ZNF695: variants seen among roughly 807,000 people sequenced by gnomAD.
ZNF695 encodes the protein zinc finger protein SBZF3.
ZNF695 carries 11 observed loss-of-function variants against 11.2 expected under a neutral mutation model. The ratio of observed to expected loss-of-function variants is 0.98; its 90% CI spans 0.62 to 1.62. The LOEUF is 1.62. Among genes scored for constraint, ZNF695 ranks in the 40% most tolerant of loss-of-function variants. The pLI, the probability that ZNF695 is intolerant of heterozygous loss-of-function variation, is 0.00. For synonymous variants in ZNF695, 190 were observed against 201.4 expected (o/e 0.94, Z 0.48); for missense variants, 559 against 590.5 (o/e 0.95, Z 0.55).
At chr1:246,955,468 T>C (rs918171088) in intron 5 of ZNF695, among the ~76,000 whole-genome samples, 3 of 152,206 alleles carry the variant, frequency 2.0e-5, no homozygotes, top group East Asian at 1.9e-4. Flanking sequence ...AAAATGTGTA[T>C]AAGTAATTTT....
chr1:246,959,295 A>AT (rs1227890663), intron 5 of ZNF695, among the ~76,000 whole-genome samples: 9 of 62,664 alleles, frequency 1.4e-4, no homozygotes, highest in Non-Finnish European at 2.3e-4. Context: ...AAAAAAAAAA[A>AT]AAAAAAAAAA....
In ZNF695 at chr1:246,988,219, T is replaced by C; in HGVS notation, c.296A>G (p.Glu99Gly). Residue 99 changes from glutamate (E) to glycine (G), a missense_variant, in exon 4 of 4, where the codon GAG becomes GGG. Physicochemically the swap from Glu to Gly is moderately conservative, Grantham distance 98 (BLOSUM62 -2). Coordinates refer to ENST00000339986, the MANE Select transcript of ZNF695 (RefSeq NM_020394.5). ...SSYLTEDILPEQGLQVSFQKV... is the reference protein window; with the variant it reads ...SSYLTEDILPGQGLQVSFQKV... ...TTGGAATGAAACTTGCAGGCCCTGC[T>C]CTGGCAAAATGTCTTCAGTAAGATA... is the stretch of plus-strand genomic sequence containing the variant. 6.3e-7 allele frequency: 1 copy of C among 1,586,628 alleles called. No homozygotes were observed. The highest frequency in any genetic ancestry group is 8.5e-7 in the Non-Finnish European group (1 of 1,170,150).
At chr1:246,994,683 A>G (rs1669142146) in intron 3 of ZNF695, among the ~76,000 whole-genome samples, 1 of 145,480 alleles carries the variant, frequency 6.9e-6, no homozygotes, top group Non-Finnish European at 1.5e-5. Context: ...TAAAATTACA[A>G]AAAATTAGCT....
chr1:246,966,748 GC>G, intron 5 of ZNF695: 6 of 456,156 alleles, frequency 1.3e-5, no homozygotes, highest in South Asian at 9.3e-5. Flanking sequence ...TCACATCACT[GC>G]ACTCTAGCCT....
intron 1 of ZNF695, among the ~76,000 whole-genome samples, chr1:247,001,924 A>T (rs570644612): frequency 1.3e-5 from 2 of 152,298 alleles, no homozygotes; most frequent in African/African-American, 4.8e-5. Context: ...CACTGACAGT[A>T]TTAGATCATC....
intron 4 of ZNF695, chr1:246,968,163 C>G (rs1668335340): frequency 6.6e-6 from 1 of 152,298 alleles, no homozygotes; most frequent in African/African-American, 2.4e-5. Context: ...CCTGTAAAAT[C>G]AAAAGCAAGT....
intron 5 of ZNF695, among the ~76,000 whole-genome samples, chr1:246,964,034 T>A (rs1345174597): frequency 6.6e-6 from 1 of 152,142 alleles, no homozygotes; most frequent in Non-Finnish European, 1.5e-5. Context: ...AGGAAGGATA[T>A]TACAAAGGAT....
chr1:246,953,897 G>C (rs938656057), intron 5 of ZNF695, among the ~76,000 whole-genome samples: 1 of 150,000 alleles, frequency 6.7e-6, no homozygotes, highest in African/African-American at 2.5e-5. Flanking sequence ...CTGCACTCCA[G>C]CCTGGGCGAC....
chr1:246,989,204 G>A (rs1369489469), intron 3 of ZNF695, among the ~76,000 whole-genome samples: 1 of 152,150 alleles, frequency 6.6e-6, no homozygotes, highest in Non-Finnish European at 1.5e-5. Context: ...GGTGGAGGTT[G>A]TGGTGAGCCA....
chr1:247,007,295 A>G (rs1487701327), intron 1 of ZNF695, among the ~76,000 whole-genome samples: 3 of 151,768 alleles, frequency 2.0e-5, no homozygotes, highest in Non-Finnish European at 4.4e-5. Flanking sequence ...CACGAGGTCA[A>G]GAGATCGACA....
At chr1:246,976,772 C>A (rs557895404) in intron 4 of ZNF695, among the ~76,000 whole-genome samples, 2 of 151,754 alleles carry the variant, frequency 1.3e-5, no homozygotes, top group Admixed American at 1.3e-4. Context: ...CCAGCCTGGG[C>A]GACAGAGCGA....
chr1:246,951,567 C>A (rs1572502323), intron 5 of ZNF695, among the ~76,000 whole-genome samples: 1 of 152,204 alleles, frequency 6.6e-6, no homozygotes, highest in East Asian at 1.9e-4. Flanking sequence ...TTTGAAGGCA[C>A]ACCATTTGTG....
At chr1:246,966,262 G>A (rs1408415152) in intron 5 of ZNF695, among the ~76,000 whole-genome samples, 1 of 152,146 alleles carries the variant, frequency 6.6e-6, no homozygotes, top group East Asian at 1.9e-4. Flanking sequence ...GCCAAGGCAG[G>A]CGCATCACTT....
intron 4 of ZNF695, among the ~76,000 whole-genome samples, chr1:246,974,153 CA>C (rs36072925): frequency 7.0e-6 from 1 of 143,524 alleles, no homozygotes; most frequent in East Asian, 2.1e-4. Flanking sequence ...AAAAAACAAA[CA>C]AACAAACAAA....
downstream of ZNF695, among the ~76,000 whole-genome samples, chr1:246,983,747 G>A (rs1206899160): frequency 6.6e-6 from 1 of 152,126 alleles, no homozygotes. Flanking sequence ...GAACCCAGGA[G>A]GTGGAAGTTG....
chr1:246,972,595 G>A (rs989914079), intron 4 of ZNF695, among the ~76,000 whole-genome samples: 13 of 151,928 alleles, frequency 8.6e-5, no homozygotes, highest in Non-Finnish European at 1.8e-4. Flanking sequence ...ATCTCGGCTC[G>A]CTGCAACCTC....
In ZNF695 at chr1:246,986,101, G is replaced by C. The variant is rs1232863457; in HGVS notation, c.*866C>G. The stretch of plus-strand genomic sequence containing the variant: ...ATTATTATTATTGAGAAAGGGTCTT[G>C]CTCTGTTGCCCAGGCAGGAGTGAAG... On this transcript the variant is annotated 3_prime_UTR_variant, in exon 4 of 4. Transcript: ENST00000339986. 1 of 942,822 alleles carries C rather than the reference G, an allele frequency of 1.1e-6. No homozygotes were observed. Among genetic ancestry groups the C allele is most frequent in the Non-Finnish European group, 1.3e-6 (1 of 791,204 alleles). The allele number at this position is 942,822 out of a possible 1,614,324, so 58.4% of individuals were successfully genotyped here. A position where few individuals can be genotyped will look rare whatever the true frequency, so the allele number is the denominator to read the frequency against.
chr1:246,987,757 G>A lies in ZNF695; in HGVS notation c.758C>T (p.Ser253Leu). Residue 253 changes from serine to leucine, a missense_variant, in exon 4 of 4, where the codon TCA becomes TTA. Coordinates refer to ENST00000339986, the MANE Select transcript of ZNF695 (RefSeq NM_020394.5). ...EECNNIFKSC[S>L]SLAVVEKNHT... ...ATTTTTCTCAACAACAGCAAGACTT[G>A]AGCAAGACTTAAAAATGTTATTACA... is the stretch of plus-strand genomic sequence containing the variant. 6.3e-7 allele frequency: 1 copy of A among 1,593,276 alleles called. No homozygotes were observed. Among genetic ancestry groups the A allele is most frequent in the Non-Finnish European group, 8.5e-7 (1 of 1,173,420 alleles).
downstream of ZNF695, among the ~76,000 whole-genome samples, chr1:246,982,262 C>T (rs71638374): frequency 1.1e-5 from 1 of 90,752 alleles, no homozygotes; most frequent in African/African-American, 3.5e-5. Flanking sequence ...AAGAGTGAAA[C>T]TTAGTCTCAA....
Sources: allele counts gnomAD v4.1 joint callset (sites outside exome capture counted in the v4.1 genomes callset), GRCh38; gene constraint gnomAD v4.1.1; transcripts MANE v1.5; gene names NCBI Gene and HGNC (gene_info 2026-07-23, HGNC 2026-07-21).